The following SHOX variants were observed in gnomAD, a reference collection of about 807,000 sequenced individuals.
SHOX encodes SHOX homeobox, also known as short stature homeobox protein.
A neutral mutation model predicts 29.6 loss-of-function variants in SHOX; 12 were observed. The observed-to-expected ratio is 0.41, with a 90% confidence interval of 0.26 to 0.66. The LOEUF (loss-of-function observed/expected upper bound fraction) is 0.66, where lower values mean the gene tolerates loss of function less well. Ranked by LOEUF, SHOX falls within the 30% of genes least tolerant of loss-of-function variation. The pLI, the probability that SHOX is intolerant of heterozygous loss-of-function variation, is 0.35. For synonymous variants in SHOX, 214 were observed against 200.6 expected (o/e 1.07, Z -0.57); for missense variants, 499 against 437.7 (o/e 1.14, Z -1.25).
chrX:655,314 A>G (rs2053121933), downstream of SHOX, among the ~76,000 whole-genome samples: 1 of 151,354 alleles, frequency 6.6e-6, no homozygotes, highest in East Asian at 2.0e-4. Context: ...TCACCGTGTT[A>G]GCCAGGATGG....
downstream of SHOX, chrX:651,594 T>TAA (rs754859715): frequency 0.026 from 4,199 of 163,716 alleles, 154 homozygotes; most frequent in South Asian, 0.1. Context: ...ATTCAAGTGT[T>TAA]AAAAAAAAAA....
At chrX:652,340 A>ATTTTTTTTT (rs746162755), downstream of SHOX, among the ~76,000 whole-genome samples, 105 of 135,122 alleles carry the variant, frequency 7.8e-4, 2 homozygotes, top group African/African-American at 2.7e-3. Context: ...AAAATGACAA[A>ATTTTTTTTT]TTTTTTTTTT....
chrX:632,803 G>T (rs1290783898), intron 1 of SHOX, among the ~76,000 whole-genome samples: 1 of 152,214 alleles, frequency 6.6e-6, no homozygotes, highest in Admixed American at 6.5e-5. Context: ...TACACAGAGA[G>T]TTGGCCTTCC....
chrX:642,420 G>T (rs1199264931), intron 4 of SHOX, among the ~76,000 whole-genome samples: 1 of 152,084 alleles, frequency 6.6e-6, no homozygotes, highest in African/African-American at 2.4e-5. Context: ...GGACTTGGGG[G>T]GTGGCGGTGG....
chrX:655,347 T>C (rs2053122439), downstream of SHOX, among the ~76,000 whole-genome samples: 1 of 151,508 alleles, frequency 6.6e-6, no homozygotes, highest in African/African-American at 2.4e-5. Flanking sequence ...GACTTTGTGA[T>C]CTGCCTGCCT....
chrX:658,577 T>C (rs34122348), intron 5 of SHOX, among the ~76,000 whole-genome samples: 4,270 of 150,996 alleles, frequency 0.028, 77 homozygotes, highest in Non-Finnish European at 0.042. Context: ...TTCACGCCAT[T>C]CTCCTGCCTC....
chrX:643,697 C>T (rs1444680084), intron 4 of SHOX, among the ~76,000 whole-genome samples: 1 of 109,828 alleles, frequency 9.1e-6, no homozygotes. Flanking sequence ...CCTGGTGACC[C>T]GGGAGAGGCT....
chrX:641,812 C>A (rs1424935008), intron 4 of SHOX, among the ~76,000 whole-genome samples: 3 of 152,170 alleles, frequency 2.0e-5, no homozygotes, highest in Non-Finnish European at 4.4e-5. Flanking sequence ...GGCACCCCCA[C>A]CTGGCTTGCT....
rs996643836 is a variant in SHOX, at chrX:649,656, G to A, written c.*5020G>A. Among the ~76,000 whole-genome samples, 29 of 152,246 alleles carry A rather than the reference G, an allele frequency of 1.9e-4. No homozygotes were observed. Among genetic ancestry groups the A allele is most frequent in the African/African-American group, 6.5e-4 (27 of 41,568 alleles). On this transcript the variant is annotated 3_prime_UTR_variant, in exon 5 of 5. Transcript: ENST00000686671. ...CAGAGAGCAACGTGGGCTGTGTTCC[G>A]ATGTAACGCCGTTGCAGAGAGAGGA...
At chrX:644,226 C>A in intron 4 of SHOX, 165 bp from the exon 5 acceptor site, 1 of 578,274 alleles carries the variant, frequency 1.7e-6, no homozygotes, top group Non-Finnish European at 2.2e-6. Flanking sequence ...AATTCTGGGC[C>A]AGGGGGAAGG....
rs1181610410 is a variant in SHOX, at chrX:636,667, AT to A, written c.486+1842del. ...ATATATAAACATATATACATATAAA[AT>A]ATACATATATAAACATATATATACA... is the stretch of plus-strand genomic sequence containing the variant. On this transcript the variant is annotated intron_variant, in intron 2 of 4. Coordinates refer to ENST00000686671, the MANE Select transcript of SHOX (RefSeq NM_000451.4). Among the ~76,000 whole-genome samples, 297 of 50,284 alleles carry A rather than the reference AT, an allele frequency of 5.9e-3. 116 individuals carry two copies. Among genetic ancestry groups the A allele is most frequent in the East Asian group, 8.2e-3 (9 of 1,100 alleles). 33.0% of individuals were successfully genotyped at this position (50,284 alleles called of 152,430 possible).
rs544811667 is a variant in SHOX, at chrX:624,931, T to C, written c.-433+329T>C. On this transcript the variant is annotated intron_variant, in intron 1 of 5. Transcript: ENST00000334060. ...CTTCCTTTCTTTCTTTCTTTCTTTC[T>C]TTTCTTTCTTTCACTTGGCAAGATT... is the stretch of plus-strand genomic sequence containing the variant. Among the ~76,000 whole-genome samples, 93 of 60,768 alleles carry C rather than the reference T, an allele frequency of 1.5e-3. 3 individuals carry two copies. Among genetic ancestry groups the C allele is most frequent in the African/African-American group, 5.4e-3 (64 of 11,822 alleles). 39.9% of individuals were successfully genotyped at this position (60,768 alleles called of 152,430 possible).
Position 645,236 on chromosome X carries a change from A to C in SHOX, c.*600A>C, listed in dbSNP as rs1569495306. ...GGAAATAGTTCTCTGGCTGAGGCTG[A>C]GGACGTGAACCGCGGGCTTTGGAAA... is the stretch of plus-strand genomic sequence containing the variant. On this transcript the variant is annotated 3_prime_UTR_variant, in exon 5 of 5. Coordinates refer to ENST00000686671, the MANE Select transcript of SHOX (RefSeq NM_000451.4). 6.6e-6 allele frequency: 1 copy of C among 152,122 alleles called. No individual in the cohort carries two copies. Among genetic ancestry groups the C allele is most frequent in the Admixed American group, 6.5e-5 (1 of 15,276 alleles). 9.4% of individuals were successfully genotyped at this position (152,122 alleles called of 1,614,324 possible). A position where few individuals can be genotyped will look rare whatever the true frequency, so the allele number is the denominator to read the frequency against.
intron 1 of SHOX, among the ~76,000 whole-genome samples, chrX:634,149 C>G (rs1444534034): frequency 6.6e-6 from 1 of 152,176 alleles, no homozygotes; most frequent in Non-Finnish European, 1.5e-5. Flanking sequence ...CGCGGAGGGA[C>G]CCCCAGCCCT....
intron 2 of SHOX, among the ~76,000 whole-genome samples, chrX:639,279 TG>T (rs2052808540): frequency 6.6e-6 from 1 of 152,332 alleles, no homozygotes; most frequent in South Asian, 2.1e-4. Flanking sequence ...CTGCTATCCT[TG>T]GGCGTCCTCA....
chrX:627,831 G>A (rs1345273290), upstream of SHOX, among the ~76,000 whole-genome samples: 1 of 152,160 alleles, frequency 6.6e-6, no homozygotes, highest in Non-Finnish European at 1.5e-5. Flanking sequence ...GGAAAGCCTG[G>A]TCCTTGGGGT....
In SHOX at chrX:649,963, G is replaced by T; in HGVS notation, c.*5327G>T. ...GAAGCACCCACAGGGAGAAGGAATTGGATGTATCGGATGTTGCTATTAGAT... is the reference window on the plus strand; with the variant it reads ...GAAGCACCCACAGGGAGAAGGAATTTGATGTATCGGATGTTGCTATTAGAT... On this transcript the variant is annotated 3_prime_UTR_variant, in exon 5 of 5. Transcript: ENST00000686671. 1 of 456,084 alleles carries T rather than the reference G, an allele frequency of 2.2e-6. No individual in the cohort carries two copies. The highest frequency in any genetic ancestry group is 1.5e-5 in the South Asian group (1 of 64,566). The allele number at this position is 456,084 out of a possible 1,614,324, so 28.3% of individuals were successfully genotyped here.
At chrX:624,862 T>TTTTCTTTCTTTCCTTTCTTTCTTTC (rs1556451609) in intron 1 of SHOX, among the ~76,000 whole-genome samples, 1 of 76,810 alleles carries the variant, frequency 1.3e-5, no homozygotes, top group Non-Finnish European at 2.7e-5. Flanking sequence ...TCTTTCTTTC[T>TTTTCTTTCTTTCCTTTCTTTCTTTC]TTTCTTTCTT....
At chrX:634,343 A>T (rs1173463041) in intron 1 of SHOX, among the ~76,000 whole-genome samples, 1 of 152,214 alleles carries the variant, frequency 6.6e-6, no homozygotes, top group African/African-American at 2.4e-5. Flanking sequence ...AAAAATAAGA[A>T]AAAAAGGTTA....
Sources: allele counts gnomAD v4.1 joint callset (sites outside exome capture counted in the v4.1 genomes callset), GRCh38; gene constraint gnomAD v4.1.1; transcripts MANE v1.5; gene names NCBI Gene and HGNC (gene_info 2026-07-23, HGNC 2026-07-21).